TGFBR3: variants seen among roughly 807,000 people sequenced by gnomAD.
The protein encoded by TGFBR3 is transforming growth factor beta receptor type 3.
Under a neutral mutation model 87.9 loss-of-function variants are expected in TGFBR3, and 46 were observed. The ratio of observed to expected loss-of-function variants is 0.52; its 90% CI spans 0.41 to 0.67. The LOEUF (loss-of-function observed/expected upper bound fraction) is 0.67, where lower values mean the gene tolerates loss of function less well. Among genes scored for constraint, TGFBR3 ranks in the 30% least tolerant of loss-of-function variants. TGFBR3 has a pLI of 0.00. For synonymous variants in TGFBR3, 381 were observed against 391.6 expected (o/e 0.97, Z 0.32); for missense variants, 866 against 1,041.9 (o/e 0.83, Z 2.32).
intron 16 of TGFBR3, 140 bp from the exon 17 acceptor site, chr1:91,683,997 T>C (rs1671005846): frequency 8.4e-6 from 6 of 710,704 alleles, no homozygotes; most frequent in Non-Finnish European, 1.4e-5. Flanking sequence ...GACTAGGTCC[T>C]AGATGGCTGG....
intron 2 of TGFBR3, among the ~76,000 whole-genome samples, chr1:91,897,321 A>C (rs1017679142): frequency 6.6e-6 from 1 of 152,214 alleles, no homozygotes; most frequent in Non-Finnish European, 1.5e-5. Context: ...GACGTGGGGA[A>C]GAGGAATATT....
chr1:91,875,157 C>T (rs1678733079), intron 1 of TGFBR3, among the ~76,000 whole-genome samples: 1 of 152,150 alleles, frequency 6.6e-6, no homozygotes, highest in Non-Finnish European at 1.5e-5. Flanking sequence ...CAATCCTGCT[C>T]TGGGGAATCT....
At chr1:91,763,693 G>A (rs548899838) in intron 3 of TGFBR3, among the ~76,000 whole-genome samples, 1 of 152,284 alleles carries the variant, frequency 6.6e-6, no homozygotes, top group East Asian at 1.9e-4. Context: ...AAATGGAAAG[G>A]CACAAACCTA....
Position 91,902,474 on chromosome 1 carries a change from G to C in TGFBR3, c.-174-2777C>G, listed in dbSNP as rs184852782. Among the ~76,000 whole-genome samples the C allele has an allele frequency of 9.7e-3, 1,475 of 151,968 alleles. 30 individuals carry two copies. The highest frequency in any genetic ancestry group is 0.033 in the African/African-American group (1,377 of 41,452). On this transcript the variant is annotated intron_variant, in intron 1 of 17. Coordinates refer to the TGFBR3 transcript ENST00000370399. ...TTTTTTTTAATTTTTGTAGAGACAG[G>C]GTCTTGCCATTTTGCCCAGGCTGGT...
chr1:91,826,923 G>A (rs1215159348), intron 2 of TGFBR3, among the ~76,000 whole-genome samples: 1 of 152,076 alleles, frequency 6.6e-6, no homozygotes, highest in East Asian at 1.9e-4. Flanking sequence ...GCGATGAACA[G>A]AGAGTTATCA....
At chr1:91,850,037 C>T (rs1010288641) in intron 2 of TGFBR3, among the ~76,000 whole-genome samples, 65 of 136,064 alleles carry the variant, frequency 4.8e-4, no homozygotes, top group African/African-American at 1.8e-3. Context: ...GCTGAGATCG[C>T]GTCACTGCAC....
rs190581409 is a variant in TGFBR3 at position 91,734,839 on chromosome 1, C to T, written c.505G>A (p.Gly169Arg). Residue 169 changes from glycine to arginine, a missense_variant, in exon 5 of 17, where the codon GGA becomes AGA. By Grantham distance (125) the Gly-to-Arg change is moderately radical (BLOSUM62 -2). Transcript: ENST00000212355. The stretch of plus-strand genomic sequence containing the variant: ...AGTTCGGTGAATGAAGTAACTGCTC[C>T]ATACTCTTTTCGGGCCCAATTTAAC... ...HLLNWARKEY[G>R]AVTSFTELKI... The T allele has an allele frequency of 5.6e-6, 9 of 1,614,194 alleles. No homozygotes were observed. The African/African-American group carries it at 1.2e-4, about 22-fold the overall frequency.
At chr1:91,807,619 G>C (rs1332235474) in intron 2 of TGFBR3, among the ~76,000 whole-genome samples, 1 of 152,176 alleles carries the variant, frequency 6.6e-6, no homozygotes, top group Non-Finnish European at 1.5e-5. Context: ...AGCTATAAAA[G>C]GCACATACTC....
chr1:91,886,115 A>C lies in TGFBR3; in HGVS notation c.-351T>G, dbSNP rs1404374883. ...CTGCCCTCCTTCACTCGCTGGGAAG[A>C]GGAAAGTGCCGCTCGGCGTCCCCGA... On this transcript the variant is annotated 5_prime_UTR_variant, in exon 1 of 17. Coordinates refer to ENST00000212355, the MANE Select transcript of TGFBR3 (RefSeq NM_003243.5). 1 of 454,048 alleles carries C rather than the reference A, an allele frequency of 2.2e-6. No individual in the cohort carries two copies. Among genetic ancestry groups the C allele is most frequent in the South Asian group, 1.6e-5 (1 of 64,468 alleles). The allele number at this position is 454,048 out of a possible 1,614,324, so 28.1% of individuals were successfully genotyped here.
chr1:91,780,322 T>C (rs999573691), intron 3 of TGFBR3, among the ~76,000 whole-genome samples: 2 of 152,176 alleles, frequency 1.3e-5, no homozygotes, highest in African/African-American at 4.8e-5. Context: ...TGATCTTCTG[T>C]TAACTCTCTC....
chr1:91,802,640 C>T (rs1346871337), intron 2 of TGFBR3, among the ~76,000 whole-genome samples: 4 of 152,116 alleles, frequency 2.6e-5, no homozygotes, highest in Non-Finnish European at 5.9e-5. Context: ...GGATTACAGG[C>T]GTGAGCCACC....
chr1:91,869,278 G>C (rs887897212), intron 1 of TGFBR3, among the ~76,000 whole-genome samples: 8 of 152,128 alleles, frequency 5.3e-5, no homozygotes, highest in African/African-American at 1.9e-4. Flanking sequence ...CAGCAAGGCG[G>C]ATCACAGTCT....
At chr1:91,763,071 T>C (rs1418953179) in intron 3 of TGFBR3, among the ~76,000 whole-genome samples, 1 of 152,216 alleles carries the variant, frequency 6.6e-6, no homozygotes, top group East Asian at 1.9e-4. Context: ...AAACTATCTA[T>C]TGTCTCAAAC....
intron 3 of TGFBR3, among the ~76,000 whole-genome samples, chr1:91,772,434 A>G (rs2100936311): frequency 6.6e-6 from 1 of 152,200 alleles, no homozygotes. Context: ...CTAGCCCTCA[A>G]CCCTAAATCT....
intron 3 of TGFBR3, among the ~76,000 whole-genome samples, chr1:91,794,494 C>T (rs1332985394): frequency 2.7e-5 from 4 of 148,924 alleles, no homozygotes; most frequent in South Asian, 2.2e-4. Context: ...TGAGCCACCT[C>T]GCCCGGCCTC....
At position 91,722,131 on chromosome 1, in the gene TGFBR3, A is replaced by G; in HGVS notation, c.899T>C (p.Ile300Thr). 1 of 1,613,820 alleles carries G rather than the reference A, an allele frequency of 6.2e-7. No homozygotes were observed. Among genetic ancestry groups the G allele is most frequent in the Non-Finnish European group, 8.5e-7 (1 of 1,179,898 alleles). Reference sequence around the variant, plus strand: ...TCTTTCACTCTCTTTTCCAAAGCCAATACTGTTAGGAGCCTGAAGATATAG... The same window carrying G: ...TCTTTCACTCTCTTTTCCAAAGCCAGTACTGTTAGGAGCCTGAAGATATAG... Reference protein sequence around the residue: ...GSLKIIAPNSIGFGKESERSM... With the variant: ...GSLKIIAPNSTGFGKESERSM... The change falls in exon 8 of 17, where the codon ATT becomes ACT. Residue 300 changes from isoleucine (I) to threonine (T), a missense_variant. Ile to Thr is a moderately conservative substitution (Grantham distance 89). Coordinates refer to ENST00000212355, the MANE Select transcript of TGFBR3 (RefSeq NM_003243.5).
At chr1:91,873,012 G>A (rs766223681) in intron 1 of TGFBR3, among the ~76,000 whole-genome samples, 2 of 151,950 alleles carry the variant, frequency 1.3e-5, no homozygotes, top group Non-Finnish European at 2.9e-5. Flanking sequence ...CACTCAGGCT[G>A]GTGTGCAGTG....
At chr1:91,749,191 C>T (rs1673450171) in intron 4 of TGFBR3, among the ~76,000 whole-genome samples, 1 of 152,150 alleles carries the variant, frequency 6.6e-6, no homozygotes, top group African/African-American at 2.4e-5. Flanking sequence ...CCATCTGTAT[C>T]ACCCAGAACC....
intron 12 of TGFBR3, among the ~76,000 whole-genome samples, chr1:91,712,778 C>G (rs2291477): frequency 0.16 from 24,440 of 152,136 alleles, 2,134 homozygotes; most frequent in Non-Finnish European, 0.2. Flanking sequence ...AAATATTAGT[C>G]CATTAGATTC....
Sources: allele counts gnomAD v4.1 joint callset (sites outside exome capture counted in the v4.1 genomes callset), GRCh38; gene constraint gnomAD v4.1.1; transcripts MANE v1.5; gene names NCBI Gene and HGNC (gene_info 2026-07-23, HGNC 2026-07-21).